The following LRRFIP2 variants were observed in gnomAD, a reference collection of about 807,000 sequenced individuals.
LRRFIP2 encodes LRR binding FLII interacting protein 2.
In LRRFIP2, 109 loss-of-function variants were observed where a neutral mutation model predicts 125.9. The ratio of observed to expected loss-of-function variants is 0.87; its 90% confidence interval spans 0.74 to 1.01. LRRFIP2 has a LOEUF of 1.01. Among genes scored for constraint, LRRFIP2 ranks in the 50% least tolerant of loss-of-function variants. The pLI, the probability that LRRFIP2 is intolerant of heterozygous loss-of-function variation, is 0.00. For synonymous variants in LRRFIP2, 291 were observed against 293.1 expected (o/e 0.99, Z 0.07); for missense variants, 850 against 862.3 (o/e 0.99, Z 0.18).
chr3:37,099,212 T>C (rs2093891883), intron 15 of LRRFIP2, among the ~76,000 whole-genome samples: 1 of 152,180 alleles, frequency 6.6e-6, no homozygotes, highest in African/African-American at 2.4e-5. Context: ...TTCTCACTTC[T>C]TAGACTTGTA....
At chr3:37,054,354 C>G in intron 27 of LRRFIP2, 57 bp downstream of exon 27, 2 of 1,373,478 alleles carry the variant, frequency 1.5e-6, no homozygotes, top group Middle Eastern at 1.8e-4. Context: ...GAATTATTTC[C>G]AGAAGATTTT....
intron 18 of LRRFIP2, 119 bp from the exon 19 acceptor site, chr3:37,083,925 C>T (rs1332853799): frequency 1.1e-5 from 8 of 726,702 alleles, no homozygotes; most frequent in Admixed American, 7.6e-5. Flanking sequence ...AAAATACAAG[C>T]GGTTTGGGGA....
chr3:37,058,718 A>C, intron 25 of LRRFIP2, 72 bp downstream of exon 25: 1 of 1,517,276 alleles, frequency 6.6e-7, no homozygotes, highest in Non-Finnish European at 9.0e-7. Flanking sequence ...GATACCAGCA[A>C]CCTGCTGACA....
chr3:37,090,038 T>A (rs140887783), intron 18 of LRRFIP2, among the ~76,000 whole-genome samples: 126 of 152,330 alleles, frequency 8.3e-4, no homozygotes, highest in South Asian at 2.3e-3. Flanking sequence ...CTGTTTCTCA[T>A]GGACCATATC....
At chr3:37,105,366 C>CA in intron 14 of LRRFIP2, 89 bp downstream of exon 14, 1 of 1,111,376 alleles carries the variant, frequency 9.0e-7, no homozygotes, top group South Asian at 1.3e-5. Context: ...TTGTCAAATG[C>CA]AAACTTCACT....
intron 2 of LRRFIP2, chr3:37,143,484 C>G (rs1366582111): frequency 4.2e-6 from 1 of 240,608 alleles, no homozygotes; most frequent in Non-Finnish European, 9.1e-6. Context: ...GGCCTGCAAT[C>G]TTCTCCTTTT....
intron 19 of LRRFIP2, among the ~76,000 whole-genome samples, chr3:37,077,706 G>C (rs1050852785): frequency 6.6e-6 from 1 of 152,006 alleles, no homozygotes; most frequent in African/African-American, 2.4e-5. Flanking sequence ...TTACAAAATT[G>C]TAAAACAAAA....
intron 4 of LRRFIP2, 85 bp from the exon 5 acceptor site, chr3:37,121,776 A>G (rs1201980328): frequency 4.6e-6 from 6 of 1,307,406 alleles, no homozygotes; most frequent in South Asian, 3.6e-5. Flanking sequence ...CAGTCAGTTA[A>G]CAGCACAGCA....
intron 3 of LRRFIP2, 58 bp downstream of exon 3, chr3:37,129,005 G>T: frequency 6.9e-7 from 1 of 1,442,188 alleles, no homozygotes; most frequent in Non-Finnish European, 9.8e-7. Flanking sequence ...GAATAAACTA[G>T]CCAAGTACTG....
At chr3:37,158,474 G>A (rs887248911) in intron 1 of LRRFIP2, among the ~76,000 whole-genome samples, 1 of 152,038 alleles carries the variant, frequency 6.6e-6, no homozygotes, top group African/African-American at 2.4e-5. Flanking sequence ...AGGCATGGTG[G>A]CACATGCCTG....
intron 18 of LRRFIP2, 100 bp from the exon 19 acceptor site, chr3:37,083,906 C>T: frequency 1.1e-6 from 1 of 880,112 alleles, no homozygotes; most frequent in Non-Finnish European, 1.7e-6. Context: ...CATAAAGATG[C>T]ATTTTCATAA....
At chr3:37,163,508 A>G (rs142956728) in intron 1 of LRRFIP2, among the ~76,000 whole-genome samples, 6 of 152,332 alleles carry the variant, frequency 3.9e-5, no homozygotes, top group Non-Finnish European at 7.3e-5. Flanking sequence ...AAAGTCTCTG[A>G]GGCCCCAGTG....
At position 37,060,192 on chromosome 3, in the gene LRRFIP2, C is replaced by T. The variant is rs1453718951; in HGVS notation, c.1750-1282G>A. Among the ~76,000 whole-genome samples, 1 of 152,218 alleles carries T rather than the reference C, an allele frequency of 6.6e-6. No homozygotes were observed. The highest frequency in any genetic ancestry group is 1.5e-5 in the Non-Finnish European group (1 of 68,038). ...TCTAGAATTATCAGTCCATCATCAGCAAACACCCTCTGTCCTCAGTCTTTT... is the reference window on the plus strand; with the variant it reads ...TCTAGAATTATCAGTCCATCATCAGTAAACACCCTCTGTCCTCAGTCTTTT... On this transcript the variant is annotated intron_variant, in intron 24 of 27. Transcript: ENST00000336686. The surrounding 1 kb of genome is among the most constrained non-coding windows in gnomAD (Gnocchi z 4.1).
intron 9 of LRRFIP2, among the ~76,000 whole-genome samples, chr3:37,110,733 T>C (rs1000617517): frequency 1.3e-5 from 2 of 152,134 alleles, no homozygotes; most frequent in East Asian, 3.8e-4. Context: ...TTCACTGTAT[T>C]ATTCCTTGAA....
At chr3:37,072,685 A>G (rs1196399629) in intron 21 of LRRFIP2, 105 bp downstream of exon 21, 3 of 659,056 alleles carry the variant, frequency 4.6e-6, no homozygotes, top group Admixed American at 2.8e-5. Context: ...TACTGTGTAA[A>G]TGCTCAAGAA....
At chr3:37,104,386 T>C (rs776442848) in intron 14 of LRRFIP2, among the ~76,000 whole-genome samples, 1 of 152,204 alleles carries the variant, frequency 6.6e-6, no homozygotes, top group Non-Finnish European at 1.5e-5. Flanking sequence ...TTTTTAGGTG[T>C]TGTGGCATAT....
intron 1 of LRRFIP2, among the ~76,000 whole-genome samples, chr3:37,157,178 C>A (rs1355304287): frequency 6.6e-6 from 1 of 152,072 alleles, no homozygotes; most frequent in Admixed American, 6.5e-5. Context: ...CACTGTGGCT[C>A]ATGCCTGTAA....
chr3:37,148,882 T>C lies in LRRFIP2; in HGVS notation c.90+12A>G, dbSNP rs781635451. The C allele has an allele frequency of 2.5e-5, 40 of 1,613,856 alleles. No homozygotes were observed. Among genetic ancestry groups the C allele is most frequent in the Non-Finnish European group, 3.1e-5 (36 of 1,179,926 alleles). On this transcript the variant is annotated intron_variant, in intron 2 of 27. Coordinates refer to ENST00000336686, the MANE Select transcript of LRRFIP2 (RefSeq NM_006309.4). ...TGCAACTCAGTGTTGAGAGGGGATT[T>C]ACCAAACATACCTCTCTGGCAATGT...
intron 17 of LRRFIP2, among the ~76,000 whole-genome samples, chr3:37,092,684 G>C (rs1041409442): frequency 5.9e-5 from 9 of 152,180 alleles, no homozygotes; most frequent in Admixed American, 5.2e-4. Flanking sequence ...TACATAGTAA[G>C]AGCTGGTAAG....
Sources: gnomAD v4.1 joint callset for allele counts (sites outside exome capture counted in the v4.1 genomes callset) on GRCh38, gnomAD v4.1.1 for gene constraint, Gnocchi (gnomAD v3.1) non-coding constraint, MANE v1.5 for transcripts, NCBI Gene and HGNC (gene_info 2026-07-23, HGNC 2026-07-21) for gene names.